VGLL4: variants seen among roughly 807,000 people sequenced by gnomAD.
The protein encoded by VGLL4 is vestigial like family member 4.
In VGLL4, 7 loss-of-function variants were observed where a neutral mutation model predicts 21.0. That is an observed-to-expected ratio of 0.33 (90% confidence interval 0.19 to 0.63). VGLL4 has a LOEUF of 0.63. Among genes scored for constraint, VGLL4 ranks in the 20% least tolerant of loss-of-function variants. VGLL4 has a pLI of 0.78. For missense variants in VGLL4, 394 were observed against 425.7 expected (o/e 0.93, Z 0.66); for synonymous variants, 222 against 173.2 (o/e 1.28, Z -2.21).
rs192920242 is a variant in VGLL4 at position 11,672,581 on chromosome 3, C to T, written c.64+30390G>A. On this transcript the variant is annotated intron_variant, in intron 2 of 5. Coordinates refer to the VGLL4 transcript ENST00000273038. Reference sequence around the variant, plus strand: ...CAAACTTCTGCAAGGTAATGACATACTCATCCTGAGCTGTCACCTCCCCTT... The same window carrying T: ...CAAACTTCTGCAAGGTAATGACATATTCATCCTGAGCTGTCACCTCCCCTT... Among the ~76,000 whole-genome samples, 5 of 152,304 alleles carry T rather than the reference C, an allele frequency of 3.3e-5. No individual in the cohort carries two copies. The East Asian group carries it at 5.8e-4, about 18-fold the overall frequency.
chr3:11,649,895 ATTTGGTTTGGTTTGGTTTGG>A lies in VGLL4; in HGVS notation c.65-47893_65-47874del, dbSNP rs139823468. 5.6e-3 allele frequency among the ~76,000 whole-genome samples: 814 copies of A among 144,620 alleles called. 6 individuals carry two copies. The highest frequency in any genetic ancestry group is 0.01 in the Middle Eastern group (3 of 290). 94.9% of individuals were successfully genotyped at this position (144,620 alleles called of 152,430 possible). The stretch of plus-strand genomic sequence containing the variant: ...CTCCCCCACAGCACACAAGTGCTCT[ATTTGGTTTGGTTTGGTTTGG>A]TTTGGTTTGGTTTGGTTTGGTTTGG... On this transcript the variant is annotated intron_variant, in intron 2 of 5. Transcript: ENST00000273038.
chr3:11,638,889 C>T (rs967074955), intron 1 of VGLL4, among the ~76,000 whole-genome samples: 10 of 152,172 alleles, frequency 6.6e-5, no homozygotes, highest in East Asian at 5.8e-4. Flanking sequence ...CTCCAGTGTG[C>T]GTCTTCCCTT....
intron 1 of VGLL4, among the ~76,000 whole-genome samples, chr3:11,707,281 T>C (rs1354085886): frequency 7.4e-6 from 1 of 135,906 alleles, no homozygotes; most frequent in African/African-American, 2.8e-5. Flanking sequence ...TGAGCCGTAA[T>C]TGCACCACTG....
At chr3:11,628,219 T>A (rs999925649) in intron 1 of VGLL4, among the ~76,000 whole-genome samples, 1 of 151,730 alleles carries the variant, frequency 6.6e-6, no homozygotes. Flanking sequence ...AGAAACCCCA[T>A]CTCTACTAAA....
chr3:11,623,609 TCTAA>T (rs1413572843), intron 1 of VGLL4, among the ~76,000 whole-genome samples: 1 of 152,322 alleles, frequency 6.6e-6, no homozygotes, highest in South Asian at 2.1e-4. Flanking sequence ...ACTGTCTAGG[TCTAA>T]CTGTCTGCAG....
At chr3:11,709,134 G>A (rs938831984) in intron 1 of VGLL4, among the ~76,000 whole-genome samples, 5 of 151,776 alleles carry the variant, frequency 3.3e-5, no homozygotes, top group African/African-American at 1.2e-4. Flanking sequence ...AGTGGAGTGT[G>A]GCTCTAGAAA....
intron 2 of VGLL4, among the ~76,000 whole-genome samples, chr3:11,665,791 C>T (rs892662024): frequency 6.6e-6 from 1 of 152,188 alleles, no homozygotes; most frequent in African/African-American, 2.4e-5. Context: ...TCCCTCTTTT[C>T]GTGAGCTGCA....
chr3:11,639,855 G>A (rs1049164551), intron 1 of VGLL4, among the ~76,000 whole-genome samples: 2 of 151,850 alleles, frequency 1.3e-5, no homozygotes, highest in African/African-American at 2.4e-5. Flanking sequence ...TAGTCTGGGC[G>A]ACAGAGCAAG....
At chr3:11,714,900 C>T (rs1185047530) in intron 1 of VGLL4, among the ~76,000 whole-genome samples, 5 of 152,164 alleles carry the variant, frequency 3.3e-5, no homozygotes, top group Non-Finnish European at 7.4e-5. Flanking sequence ...GTTTGGGAGG[C>T]TGAGGCGGGC....
intron 1 of VGLL4, among the ~76,000 whole-genome samples, chr3:11,637,358 T>G (rs1348468500): frequency 1.4e-5 from 2 of 146,462 alleles, no homozygotes; most frequent in Non-Finnish European, 1.5e-5. Flanking sequence ...CATAAATGTT[T>G]AATAACAGAA....
In VGLL4 at chr3:11,565,519, C is replaced by T. The variant is rs1397792930; in HGVS notation, c.273-500G>A. Among the ~76,000 whole-genome samples, 4 of 152,212 alleles carry T rather than the reference C, an allele frequency of 2.6e-5. No individual in the cohort carries two copies. Among genetic ancestry groups the T allele is most frequent in the Non-Finnish European group, 4.4e-5 (3 of 68,028 alleles). On this transcript the variant is annotated intron_variant, in intron 2 of 4. Coordinates refer to ENST00000430365, the MANE Select transcript of VGLL4 (RefSeq NM_001128219.3). This position sits in a 1 kb window ranked among gnomAD's most constrained non-coding sequence, Gnocchi z 4.1. Reference sequence around the variant, plus strand: ...TCCTAACAGCACTAAGCAGGCAATGCTGCCACCATCCCCTTTCCAGACCAG... The same window carrying T: ...TCCTAACAGCACTAAGCAGGCAATGTTGCCACCATCCCCTTTCCAGACCAG...
At chr3:11,654,766 T>C (rs953200181) in intron 2 of VGLL4, among the ~76,000 whole-genome samples, 8 of 152,204 alleles carry the variant, frequency 5.3e-5, no homozygotes, top group Non-Finnish European at 1.0e-4. Context: ...TAACATGTCC[T>C]GGATTAATTA....
At position 11,671,078 on chromosome 3, in the gene VGLL4, G is replaced by A. The variant is rs114116159; in HGVS notation, c.64+31893C>T. ...AGAGGGTGGTGCATTAAGGAGAGTCGACAGCAGCTGCCCCCGTCCTTAAGA... is the reference window on the plus strand; with the variant it reads ...AGAGGGTGGTGCATTAAGGAGAGTCAACAGCAGCTGCCCCCGTCCTTAAGA... On this transcript the variant is annotated intron_variant, in intron 2 of 5. Coordinates refer to the VGLL4 transcript ENST00000273038. Among the ~76,000 whole-genome samples the A allele has an allele frequency of 2.5e-3, 375 of 152,246 alleles. 3 individuals carry two copies. Among genetic ancestry groups the A allele is most frequent in the African/African-American group, 8.3e-3 (343 of 41,542 alleles).
chr3:11,662,240 C>T (rs941266620), intron 2 of VGLL4, among the ~76,000 whole-genome samples: 2 of 152,150 alleles, frequency 1.3e-5, no homozygotes, highest in African/African-American at 2.4e-5. Context: ...AAACTGCACC[C>T]GAAGCCCACC....
intron 1 of VGLL4, among the ~76,000 whole-genome samples, chr3:11,635,246 G>C (rs2075564012): frequency 6.6e-6 from 1 of 152,208 alleles, no homozygotes; most frequent in Admixed American, 6.5e-5. Flanking sequence ...CTAATGGCTG[G>C]AACAAACACA....
upstream of VGLL4, among the ~76,000 whole-genome samples, chr3:11,646,447 G>T (rs1263940134): frequency 6.6e-6 from 1 of 152,050 alleles, no homozygotes. Context: ...TGCTGCTGAG[G>T]TTGCATCCCC....
intron 2 of VGLL4, among the ~76,000 whole-genome samples, chr3:11,663,535 T>C (rs572456616): frequency 6.6e-6 from 1 of 152,086 alleles, no homozygotes; most frequent in African/African-American, 2.4e-5. Flanking sequence ...CTGGCCAACA[T>C]GGCAAAACCT....
At chr3:11,694,281 G>A (rs981968254) in intron 2 of VGLL4, among the ~76,000 whole-genome samples, 1 of 152,160 alleles carries the variant, frequency 6.6e-6, no homozygotes, top group Admixed American at 6.5e-5. Flanking sequence ...ATGTCACCAA[G>A]TATTGCTGTA....
intron 2 of VGLL4, among the ~76,000 whole-genome samples, chr3:11,589,059 C>A (rs3856796): frequency 0.92 from 140,197 of 152,188 alleles, 64,768 homozygotes; most frequent in Non-Finnish European, 0.94. Context: ...GAGGGGACCA[C>A]AGAAAGCCAG....
Sources: allele counts gnomAD v4.1 joint callset (sites outside exome capture counted in the v4.1 genomes callset), GRCh38; gene constraint gnomAD v4.1.1; non-coding constraint Gnocchi (gnomAD v3.1); transcripts MANE v1.5; gene names NCBI Gene and HGNC (gene_info 2026-07-23, HGNC 2026-07-21).